The following HDHD5 variants were observed in gnomAD, a reference collection of about 807,000 sequenced individuals.
HDHD5 encodes haloacid dehalogenase like hydrolase domain containing 5.
In HDHD5, 34 loss-of-function variants were observed where a neutral mutation model predicts 35.5. The observed-to-expected ratio is 0.96, with a 90% CI of 0.73 to 1.28. The LOEUF (loss-of-function observed/expected upper bound fraction) is 1.28, where lower values mean the gene tolerates loss of function less well. Among genes scored for constraint, HDHD5 ranks in the 50% most tolerant of loss-of-function variants. The pLI, the probability that HDHD5 is intolerant of heterozygous loss-of-function variation, is 0.00. For synonymous variants in HDHD5, 248 were observed against 240.6 expected, an observed-to-expected ratio of 1.03 and a Z score of -0.29; for missense variants, 589 against 560.2, an observed-to-expected ratio of 1.05 and a Z score of -0.52.
chr22:17,137,775 A>G lies in HDHD5; in HGVS notation c.*246T>C, dbSNP rs1036636885. On this transcript the variant is annotated 3_prime_UTR_variant, in exon 8 of 8. Coordinates refer to ENST00000336737, the MANE Select transcript of HDHD5 (RefSeq NM_033070.3). Reference sequence around the variant, plus strand: ...GGGGAAGAGAATGGCCTGAGGTTAGACTGCCACGAAAGGCACGTGGGAACT... The same window carrying G: ...GGGGAAGAGAATGGCCTGAGGTTAGGCTGCCACGAAAGGCACGTGGGAACT... 18 of 502,952 alleles carry G rather than the reference A, an allele frequency of 3.6e-5. No individual in the cohort carries two copies. The highest frequency in any genetic ancestry group is 3.5e-4 in the African/African-American group (18 of 52,102). The allele number at this position is 502,952 out of a possible 1,614,324, so 31.2% of individuals were successfully genotyped here. A position where few individuals can be genotyped will look rare whatever the true frequency, so the allele number is the denominator to read the frequency against.
At chr22:17,162,210 C>T (rs1038835191), upstream of HDHD5, among the ~76,000 whole-genome samples, 3 of 152,154 alleles carry the variant, frequency 2.0e-5, no homozygotes, top group African/African-American at 7.2e-5. Context: ...CTGGCGGAAC[C>T]CTTGACCAAA....
chr22:17,146,331 T>C (rs2061661851), intron 3 of HDHD5, among the ~76,000 whole-genome samples: 2 of 149,244 alleles, frequency 1.3e-5, no homozygotes, highest in Non-Finnish European at 3.0e-5. Flanking sequence ...CGGCCTTCAA[T>C]CACATGCCAT....
chr22:17,158,813 A>C (rs1367590588), intron 1 of HDHD5: 2 of 196,344 alleles, frequency 1.0e-5, no homozygotes, highest in Non-Finnish European at 2.1e-5. Flanking sequence ...CATGGTGGAA[A>C]TCAGAAGACG....
chr22:17,153,159 A>C (rs1297808093), intron 1 of HDHD5, among the ~76,000 whole-genome samples: 1 of 152,218 alleles, frequency 6.6e-6, no homozygotes, highest in Non-Finnish European at 1.5e-5. Context: ...GACATGTAAC[A>C]AAGGCATTTT....
At position 17,145,047 on chromosome 22, in the gene HDHD5, G is replaced by C; in HGVS notation, c.514C>G (p.Leu172Val). The change falls in exon 4 of 8, where the codon CTG (leucine) becomes GTG (valine). Residue 172 changes from leucine (L) to valine (V), a missense_variant. Coordinates refer to ENST00000336737, the MANE Select transcript of HDHD5 (RefSeq NM_033070.3). ...MAFPLLDMVD[L>V]ERRLKTTPLP... ...ACCGTGGTCTTTAGCCGCCGCTCCA[G>C]GTCCACCATGTCAAGCAGAGGAAAG... The C allele has an allele frequency of 2.5e-6, 4 of 1,613,938 alleles. 1 individual carries two copies. The South Asian group carries it at 4.4e-5, about 18-fold the overall frequency.
upstream of HDHD5, among the ~76,000 whole-genome samples, chr22:17,163,691 T>C (rs2061876190): frequency 6.6e-6 from 1 of 152,208 alleles, no homozygotes; most frequent in Middle Eastern, 3.2e-3. Flanking sequence ...TCATCCTCAG[T>C]TGTGGCCCAA....
At chr22:17,151,880 A>C (rs1263695180) in intron 1 of HDHD5, among the ~76,000 whole-genome samples, 2 of 152,238 alleles carry the variant, frequency 1.3e-5, no homozygotes, top group Non-Finnish European at 2.9e-5. Context: ...GCAAGTGCAA[A>C]TCAATTCTAG....
At chr22:17,139,191 A>G (rs2061570923) in intron 6 of HDHD5, among the ~76,000 whole-genome samples, 1 of 152,186 alleles carries the variant, frequency 6.6e-6, no homozygotes, top group Non-Finnish European at 1.5e-5. Flanking sequence ...CAGTCAAGGA[A>G]AGCAGAAATG....
intron 1 of HDHD5, among the ~76,000 whole-genome samples, chr22:17,155,434 A>ACGGCG (rs1475677135): frequency 6.6e-6 from 1 of 151,888 alleles, no homozygotes; most frequent in African/African-American, 2.4e-5. Context: ...TTTAGTAGAG[A>ACGGCG]CGGGGTTTCA....
At position 17,145,118 on chromosome 22, in the gene HDHD5, C is replaced by T; in HGVS notation, c.444-1G>A. ...GGTGACGACATTTCGGAAGCCCAGT[C>T]TGGAGCAAGCTCAGGAAGTAATGCT... On this transcript the variant is annotated splice_acceptor_variant, in intron 3 of 7. Transcript: ENST00000336737. LOFTEE classifies it high-confidence loss of function. 1 of 1,614,050 alleles carries T rather than the reference C, an allele frequency of 6.2e-7. No homozygotes were observed. The highest frequency in any genetic ancestry group is 1.3e-5 in the African/African-American group (1 of 75,024).
At chr22:17,143,248 C>T (rs897492332) in intron 4 of HDHD5, 117 bp from the exon 5 acceptor site, 3 of 1,123,010 alleles carry the variant, frequency 2.7e-6, no homozygotes, top group African/African-American at 3.2e-5. Context: ...AGACCCCACA[C>T]CCGTGGTCAA....
chr22:17,148,511 G>A lies in HDHD5; in HGVS notation c.380C>T (p.Ser127Phe), dbSNP rs1305533391. Reference protein sequence around the residue: ...ILSHSPMKLFSEYHEKRMLVS... With the variant: ...ILSHSPMKLFFEYHEKRMLVS... Reference sequence around the variant, plus strand: ...CAGCATCCGCTTCTCATGGTACTCGGAGAAGAGCTTCATGGGGCTGTGAGA... The same window carrying A: ...CAGCATCCGCTTCTCATGGTACTCGAAGAAGAGCTTCATGGGGCTGTGAGA... The change falls in exon 3 of 8, where the codon TCC (serine) becomes TTC (phenylalanine). Residue 127 changes from serine to phenylalanine, a missense_variant. Ser to Phe is a radical substitution (Grantham distance 155, BLOSUM62 -2). Coordinates refer to ENST00000336737, the MANE Select transcript of HDHD5 (RefSeq NM_033070.3). The A allele has an allele frequency of 1.2e-6, 2 of 1,614,088 alleles. No individual in the cohort carries two copies. The highest frequency in any genetic ancestry group is 1.7e-6 in the Non-Finnish European group (2 of 1,180,052).
At chr22:17,158,346 T>A (rs996329740) in intron 1 of HDHD5, 3 of 151,904 alleles carry the variant, frequency 2.0e-5, no homozygotes, top group African/African-American at 7.3e-5. Flanking sequence ...TACTGTGAAA[T>A]CCGTATGTTA....
chr22:17,157,756 C>A (rs2061815675), intron 1 of HDHD5, among the ~76,000 whole-genome samples: 1 of 152,172 alleles, frequency 6.6e-6, no homozygotes, highest in Non-Finnish European at 1.5e-5. Context: ...CTGCTTTGAA[C>A]CTTAGCTGCT....
At chr22:17,143,069 C>T (rs923957528) in intron 5 of HDHD5, 29 bp downstream of exon 5, 1 of 1,608,020 alleles carries the variant, frequency 6.2e-7, no homozygotes, top group African/African-American at 1.3e-5. Flanking sequence ...GAAAAGACCT[C>T]ACAACTCATC....
rs764969011 is a variant in HDHD5, at chr22:17,143,113, A to T, written c.556T>A (p.Phe186Ile). 10 of 1,610,088 alleles carry T rather than the reference A, an allele frequency of 6.2e-6. No individual in the cohort carries two copies. Among genetic ancestry groups the T allele is most frequent in the Non-Finnish European group, 8.5e-6 (10 of 1,178,472 alleles). The change falls in exon 5 of 8, where the codon TTC (phenylalanine) becomes ATC (isoleucine). Residue 186 changes from phenylalanine (F) to isoleucine (I), a missense_variant. Coordinates refer to ENST00000336737, the MANE Select transcript of HDHD5 (RefSeq NM_033070.3). ...LKTTPLPRNDFPRIEGVLLLG... is the reference protein window; with the variant it reads ...LKTTPLPRNDIPRIEGVLLLG... ...CCTCTCTTACCTTCAATGCGGGGGA[A>T]GTCATTCCTCGGGAGGGGCTGCAGA...
At chr22:17,152,538 G>A (rs1372681174) in intron 1 of HDHD5, among the ~76,000 whole-genome samples, 2 of 152,084 alleles carry the variant, frequency 1.3e-5, no homozygotes, top group Non-Finnish European at 2.9e-5. Context: ...CAGTAGGAGC[G>A]GGCAGCGAGA....
At position 17,144,215 on chromosome 22, in the gene HDHD5, C is replaced by G. The variant is rs1188307954; in HGVS notation, c.537+809G>C. ...GGTTCCCAGCTAATTATAAGCAATACAGAGAGGACAGGGCATAAAGCCGTT... is the reference window on the plus strand; with the variant it reads ...GGTTCCCAGCTAATTATAAGCAATAGAGAGAGGACAGGGCATAAAGCCGTT... On this transcript the variant is annotated intron_variant, in intron 4 of 7. Transcript: ENST00000336737. Among the ~76,000 whole-genome samples the G allele has an allele frequency of 4.6e-5, 7 of 152,036 alleles. No homozygotes were observed. The East Asian group carries it at 7.7e-4, about 17-fold the overall frequency.
intron 1 of HDHD5, among the ~76,000 whole-genome samples, chr22:17,157,337 C>T (rs1289518516): frequency 6.6e-6 from 1 of 150,442 alleles, no homozygotes; most frequent in Non-Finnish European, 1.5e-5. Context: ...GCCCGATCTC[C>T]GCTCACCGCA....
Sources: allele counts gnomAD v4.1 joint callset (sites outside exome capture counted in the v4.1 genomes callset), GRCh38; gene constraint gnomAD v4.1.1; transcripts MANE v1.5; gene names NCBI Gene and HGNC (gene_info 2026-07-23, HGNC 2026-07-21).